KDM2A: variants seen among roughly 807,000 people sequenced by gnomAD.
The protein encoded by KDM2A is lysine demethylase 2A.
Under a neutral mutation model 137.3 loss-of-function variants are expected in KDM2A, and 3 were observed. That is an observed-to-expected ratio of 0.02 (90% CI 0.01 to 0.06). The LOEUF is 0.06. Ranked by LOEUF, KDM2A falls within the 10% of genes least tolerant of loss-of-function variation. The pLI is 1.00. For synonymous variants in KDM2A, 512 were observed against 541.5 expected, an observed-to-expected ratio of 0.95 and a Z score of 0.76; for missense variants, 738 against 1,510.6, an observed-to-expected ratio of 0.49 and a Z score of 8.48.
intron 2 of KDM2A, among the ~76,000 whole-genome samples, chr11:67,167,207 C>CA (rs1425330047): frequency 6.6e-5 from 10 of 152,212 alleles, no homozygotes; most frequent in African/African-American, 2.4e-4. Flanking sequence ...CATCTAAACT[C>CA]AGATTGCTTC....
chr11:67,212,155 A>G (rs1175940883), intron 6 of KDM2A, among the ~76,000 whole-genome samples: 2 of 152,176 alleles, frequency 1.3e-5, no homozygotes, highest in African/African-American at 2.4e-5. Flanking sequence ...TGAATAAAGC[A>G]GGATATTGTG....
chr11:67,196,474 C>T, intron 5 of KDM2A: 1 of 456,064 alleles, frequency 2.2e-6, no homozygotes, highest in African/African-American at 2.0e-5. Context: ...ATGTAGCAAC[C>T]TAAATGTCCA....
At chr11:67,148,845 A>G (rs2136304160) in intron 2 of KDM2A, among the ~76,000 whole-genome samples, 1 of 152,194 alleles carries the variant, frequency 6.6e-6, no homozygotes, top group Admixed American at 6.6e-5. Context: ...TCCACACCCT[A>G]AAGTGCGATT....
In KDM2A at chr11:67,250,136, G is replaced by A. The variant is rs371374228; in HGVS notation, c.2106G>A (p.Leu702=). ...AAGAAGCTGTGCAAGCCAAAGTCCT[G>A]CGGCCCCTGCGGAGCTGCGATGAGC... ...SDEEAVQAKV[L]RPLRSCDEPL... The change falls in exon 17 of 21, where the codon CTG becomes CTA. Residue 702 remains leucine, a synonymous_variant. Coordinates refer to ENST00000529006, the MANE Select transcript of KDM2A (RefSeq NM_012308.3). This position sits in a 1 kb window ranked among gnomAD's most constrained non-coding sequence, Gnocchi z 7.1. 1.4e-5 allele frequency: 22 copies of A among 1,611,458 alleles called. No individual in the cohort carries two copies. The African/African-American group carries it at 1.7e-4, about 13-fold the overall frequency.
chr11:67,212,872 C>T (rs2136390554), intron 6 of KDM2A, among the ~76,000 whole-genome samples: 1 of 152,126 alleles, frequency 6.6e-6, no homozygotes, highest in East Asian at 1.9e-4. Context: ...GTACTTTATT[C>T]ATTATTCTGT....
chr11:67,208,153 A>G (rs973572158), intron 6 of KDM2A, among the ~76,000 whole-genome samples: 2 of 152,090 alleles, frequency 1.3e-5, no homozygotes, highest in African/African-American at 4.8e-5. Context: ...TTTTATAAAG[A>G]TATATTGATA....
intron 18 of KDM2A, among the ~76,000 whole-genome samples, chr11:67,253,065 C>T (rs1264186532): frequency 6.6e-6 from 1 of 152,228 alleles, no homozygotes; most frequent in Non-Finnish European, 1.5e-5. Flanking sequence ...CCAATCACTG[C>T]AATGGACAGC....
At chr11:67,223,255 G>T (rs73503904) in intron 10 of KDM2A, among the ~76,000 whole-genome samples, 2,416 of 151,930 alleles carry the variant, frequency 0.016, 68 homozygotes, top group African/African-American at 0.055. Context: ...TTGATATGCG[G>T]CATAAGTAAA....
chr11:67,208,316 T>C (rs1857875560), intron 6 of KDM2A, among the ~76,000 whole-genome samples: 1 of 151,924 alleles, frequency 6.6e-6, no homozygotes, highest in Admixed American at 6.6e-5. Flanking sequence ...CAAGCAGTTC[T>C]CCCACCTTGG....
intron 2 of KDM2A, among the ~76,000 whole-genome samples, chr11:67,164,370 A>C (rs1856695728): frequency 6.6e-6 from 1 of 152,204 alleles, no homozygotes; most frequent in Admixed American, 6.5e-5. Context: ...TGGGATACTT[A>C]AATCTGGAGA....
chr11:67,205,729 G>A (rs1271737826), intron 5 of KDM2A, among the ~76,000 whole-genome samples: 6 of 151,990 alleles, frequency 3.9e-5, no homozygotes, highest in African/African-American at 7.2e-5. Context: ...CTGTCTGCCC[G>A]TCTTGACCTC....
At chr11:67,127,825 A>G (rs1250930780) in intron 2 of KDM2A, among the ~76,000 whole-genome samples, 1 of 151,922 alleles carries the variant, frequency 6.6e-6, no homozygotes, top group Non-Finnish European at 1.5e-5. Context: ...CTCCTGCTTC[A>G]GCCTCTGAGT....
rs556293055 is a variant in KDM2A, at chr11:67,239,910, C to T, written c.1480-3099C>T. The T allele has an allele frequency of 1.3e-5, 5 of 375,168 alleles. No individual in the cohort carries two copies. The South Asian group carries it at 2.5e-4, about 19-fold the overall frequency. 23.2% of individuals were successfully genotyped at this position (375,168 alleles called of 1,614,324 possible). Reference sequence around the variant, plus strand: ...GGGCGGGGGCTGTGGCTGAGCTCTCCTCCCTGGCAGGGCCTCTTCCAATCG... The same window carrying T: ...GGGCGGGGGCTGTGGCTGAGCTCTCTTCCCTGGCAGGGCCTCTTCCAATCG... On this transcript the variant is annotated intron_variant, in intron 12 of 20. Coordinates refer to ENST00000529006, the MANE Select transcript of KDM2A (RefSeq NM_012308.3).
chr11:67,163,071 T>G (rs1005089924), intron 2 of KDM2A, among the ~76,000 whole-genome samples: 1 of 152,210 alleles, frequency 6.6e-6, no homozygotes, highest in Non-Finnish European at 1.5e-5. Context: ...GTTACTTCTC[T>G]TCTCCTTTAG....
intron 2 of KDM2A, among the ~76,000 whole-genome samples, chr11:67,173,993 G>A (rs1056228974): frequency 6.6e-6 from 1 of 152,146 alleles, no homozygotes; most frequent in Non-Finnish European, 1.5e-5. Flanking sequence ...GGTATTACAG[G>A]CATGAGCCAC....
intron 15 of KDM2A, among the ~76,000 whole-genome samples, chr11:67,246,517 A>T (rs902586364): frequency 6.6e-6 from 1 of 152,116 alleles, no homozygotes; most frequent in African/African-American, 2.4e-5. Context: ...ATAATATCAG[A>T]TAACATTTAA....
intron 10 of KDM2A, among the ~76,000 whole-genome samples, chr11:67,223,811 G>A (rs1858446103): frequency 6.6e-6 from 1 of 152,134 alleles, no homozygotes; most frequent in Non-Finnish European, 1.5e-5. Flanking sequence ...AACCCTTCCA[G>A]AAAGTGTTGC....
intron 6 of KDM2A, among the ~76,000 whole-genome samples, chr11:67,214,484 G>C (rs1484413886): frequency 1.3e-5 from 2 of 152,096 alleles, no homozygotes; most frequent in Non-Finnish European, 2.9e-5. Flanking sequence ...GATTACAGGC[G>C]TGAGCCACTG....
intron 5 of KDM2A, among the ~76,000 whole-genome samples, chr11:67,205,482 A>G (rs1590783487): frequency 6.6e-6 from 1 of 152,072 alleles, no homozygotes; most frequent in Non-Finnish European, 1.5e-5. Context: ...AAGGAAGACA[A>G]TAGATATAAA....
Sources: allele counts gnomAD v4.1 joint callset (sites outside exome capture counted in the v4.1 genomes callset), GRCh38; gene constraint gnomAD v4.1.1; non-coding constraint Gnocchi (gnomAD v3.1); transcripts MANE v1.5; gene names NCBI Gene and HGNC (gene_info 2026-07-23, HGNC 2026-07-21).